Variants in PCDH7 observed in about 807,000 individuals in gnomAD.
PCDH7 encodes protocadherin 7.
PCDH7 carries 17 observed loss-of-function variants against 58.9 expected under a neutral mutation model. The ratio of observed to expected loss-of-function variants is 0.29; its 90% CI spans 0.20 to 0.43. The LOEUF is 0.43. Among genes scored for constraint, PCDH7 ranks in the 20% least tolerant of loss-of-function variants. The pLI, the probability that PCDH7 is intolerant of heterozygous loss-of-function variation, is 1.00. For synonymous variants in PCDH7, 664 were observed against 616.4 expected, an observed-to-expected ratio of 1.08 and a Z score of -1.14; for missense variants, 1,274 against 1,441.0, an observed-to-expected ratio of 0.88 and a Z score of 1.88.
intron 1 of PCDH7, among the ~76,000 whole-genome samples, chr4:30,915,526 T>C (rs1230417704): frequency 1.3e-5 from 2 of 152,130 alleles, no homozygotes; most frequent in East Asian, 3.9e-4. Flanking sequence ...TCTGTTGTTG[T>C]TGTTGTTGTT....
chr4:30,720,773 A>G lies in PCDH7; in HGVS notation c.-650A>G, dbSNP rs932612008. Reference sequence around the variant, plus strand: ...ATCTGTTGACTGGCTCCCCCGCTGCATGAGCAGAGTCGGAGTTGAGACTGG... The same window carrying G: ...ATCTGTTGACTGGCTCCCCCGCTGCGTGAGCAGAGTCGGAGTTGAGACTGG... On this transcript the variant is annotated 5_prime_UTR_variant, in exon 1 of 2. An upstream start codon of the reference 5' UTR is lost. Transcript: ENST00000361762. The surrounding 1 kb of genome is among the most constrained non-coding windows in gnomAD (Gnocchi z 4.7). The G allele has an allele frequency of 2.6e-5, 4 of 152,688 alleles. No homozygotes were observed. Among genetic ancestry groups the G allele is most frequent in the Non-Finnish European group, 5.8e-5 (4 of 68,496 alleles). The allele number at this position is 152,688 out of a possible 1,614,324, so 9.5% of individuals were successfully genotyped here. A position where few individuals can be genotyped will look rare whatever the true frequency, so the allele number is the denominator to read the frequency against.
At chr4:30,856,727 C>A (rs1030947995) in intron 1 of PCDH7, among the ~76,000 whole-genome samples, 1 of 148,848 alleles carries the variant, frequency 6.7e-6, no homozygotes, top group Non-Finnish European at 1.5e-5. Context: ...TATATACATG[C>A]TTTAAACAAG....
At chr4:30,877,737 T>A (rs1485232961) in intron 1 of PCDH7, among the ~76,000 whole-genome samples, 6 of 152,142 alleles carry the variant, frequency 3.9e-5, no homozygotes, top group Admixed American at 6.6e-5. Context: ...CAGTGGAAAA[T>A]TTCATACATA....
chr4:31,038,757 T>G (rs1755614305), intron 3 of PCDH7, among the ~76,000 whole-genome samples: 1 of 152,190 alleles, frequency 6.6e-6, no homozygotes, highest in Non-Finnish European at 1.5e-5. Context: ...GATAATTTAC[T>G]TATCAATTCT....
chr4:30,781,960 TG>T (rs754298095), intron 1 of PCDH7, among the ~76,000 whole-genome samples: 5 of 152,212 alleles, frequency 3.3e-5, no homozygotes, highest in Admixed American at 1.3e-4. Context: ...CTTATGTAAA[TG>T]GGTATAGACT....
intron 3 of PCDH7, among the ~76,000 whole-genome samples, chr4:31,103,589 C>T (rs1393085949): frequency 6.6e-6 from 1 of 152,110 alleles, no homozygotes; most frequent in Non-Finnish European, 1.5e-5. Context: ...TCACCTGCCT[C>T]AGCTCCCAAA....
downstream of PCDH7, among the ~76,000 whole-genome samples, chr4:30,735,595 A>G (rs1716137978): frequency 6.6e-6 from 1 of 152,132 alleles, no homozygotes; most frequent in African/African-American, 2.4e-5. Flanking sequence ...TAGGTCAGCA[A>G]CTCACAGAGA....
chr4:30,949,310 T>C (rs1363383203), intron 2 of PCDH7, among the ~76,000 whole-genome samples: 1 of 152,158 alleles, frequency 6.6e-6, no homozygotes, highest in Non-Finnish European at 1.5e-5. Flanking sequence ...GTTAAATATT[T>C]CTTTTAAAAT....
intron 1 of PCDH7, chr4:30,730,626 T>A: frequency 1.6e-6 from 1 of 619,348 alleles, no homozygotes; most frequent in Non-Finnish European, 2.8e-6. Flanking sequence ...AAACACAAAG[T>A]TGGCATTAAA....
At chr4:31,084,956 C>T (rs917779155) in intron 3 of PCDH7, among the ~76,000 whole-genome samples, 1 of 152,086 alleles carries the variant, frequency 6.6e-6, no homozygotes, top group African/African-American at 2.4e-5. Flanking sequence ...CCTCTGTAGC[C>T]GCCCAAGGGG....
rs551093645 is a variant in PCDH7, at chr4:31,022,328, C to A, written c.*7+72113C>A. On this transcript the variant is annotated intron_variant, in intron 3 of 3. Transcript: ENST00000509759. ...CACAGTTGATGATGATTATTTCTAA[C>A]GGTAGAGTAAGTAATGACTTTAAAA... Among the ~76,000 whole-genome samples, 4 of 152,060 alleles carry A rather than the reference C, an allele frequency of 2.6e-5. No homozygotes were observed. In the East Asian group the frequency reaches 5.8e-4, roughly 22 times the overall value.
At chr4:31,020,164 C>T (rs987717307) in intron 3 of PCDH7, among the ~76,000 whole-genome samples, 1 of 152,150 alleles carries the variant, frequency 6.6e-6, no homozygotes, top group Non-Finnish European at 1.5e-5. Flanking sequence ...TCCATTTCAA[C>T]GTTGTAAAAG....
At chr4:30,747,584 C>T (rs1717943054) in intron 1 of PCDH7, among the ~76,000 whole-genome samples, 2 of 152,198 alleles carry the variant, frequency 1.3e-5, no homozygotes, top group South Asian at 2.1e-4. Flanking sequence ...TAGAATTTTT[C>T]TCCTATCTCT....
chr4:30,980,675 C>T (rs1750475059), intron 3 of PCDH7, among the ~76,000 whole-genome samples: 1 of 151,958 alleles, frequency 6.6e-6, no homozygotes, highest in African/African-American at 2.4e-5. Flanking sequence ...AAATCAAAGG[C>T]CTCTAATATC....
At chr4:30,957,772 A>T (rs986171503) in intron 3 of PCDH7, among the ~76,000 whole-genome samples, 1 of 152,146 alleles carries the variant, frequency 6.6e-6, no homozygotes, top group Non-Finnish European at 1.5e-5. Flanking sequence ...TATATCCATA[A>T]GAAATTTTCT....
intron 1 of PCDH7, among the ~76,000 whole-genome samples, chr4:30,847,416 C>T (rs181224985): frequency 6.6e-6 from 1 of 152,246 alleles, no homozygotes; most frequent in African/African-American, 2.4e-5. Flanking sequence ...TTGGCTGAAA[C>T]GTCTTTGCAG....
intron 1 of PCDH7, among the ~76,000 whole-genome samples, chr4:30,764,575 C>T (rs747074824): frequency 6.6e-5 from 10 of 152,178 alleles, no homozygotes; most frequent in African/African-American, 4.8e-5. Context: ...TTGAAAGAAA[C>T]GAAGTTTGTA....
chr4:30,776,633 C>A (rs963732672), intron 1 of PCDH7, among the ~76,000 whole-genome samples: 2 of 152,096 alleles, frequency 1.3e-5, no homozygotes, highest in Admixed American at 1.3e-4. Flanking sequence ...TCTTCAGAGA[C>A]AACCAATGAG....
chr4:30,940,974 C>G (rs538060905), intron 2 of PCDH7, among the ~76,000 whole-genome samples: 63 of 151,820 alleles, frequency 4.1e-4, no homozygotes, highest in African/African-American at 1.4e-3. Flanking sequence ...AATAGCACTG[C>G]CCAAAGTTAA....
Sources: gnomAD v4.1 joint callset for allele counts (sites outside exome capture counted in the v4.1 genomes callset) on GRCh38, gnomAD v4.1.1 for gene constraint, Gnocchi (gnomAD v3.1) non-coding constraint, MANE v1.5 for transcripts, NCBI Gene and HGNC (gene_info 2026-07-23, HGNC 2026-07-21) for gene names.